The following STAB2 variants were observed in gnomAD, a reference collection of about 807,000 sequenced individuals.
The protein encoded by STAB2 is stabilin 2.
A neutral mutation model predicts 338.1 loss-of-function variants in STAB2; 288 were observed. The ratio of observed to expected loss-of-function variants is 0.85; its 90% CI spans 0.77 to 0.94. The LOEUF is 0.94. STAB2 is among the 40% of genes least tolerant of loss of function. The pLI is 0.00. For missense variants in STAB2, 3,141 were observed against 3,210.1 expected, an observed-to-expected ratio of 0.98 and a Z score of 0.52; for synonymous variants, 1,202 against 1,193.3, an observed-to-expected ratio of 1.01 and a Z score of -0.15.
chr12:103,750,213 TAG>T (rs1172348923), intron 59 of STAB2, among the ~76,000 whole-genome samples: 1 of 152,038 alleles, frequency 6.6e-6, no homozygotes, highest in Non-Finnish European at 1.5e-5. Flanking sequence ...TGTGCACAAG[TAG>T]AGAGAGGGGG....
chr12:103,752,232 A>C (rs1055737602), intron 60 of STAB2, among the ~76,000 whole-genome samples: 1 of 152,184 alleles, frequency 6.6e-6, no homozygotes, highest in Non-Finnish European at 1.5e-5. Flanking sequence ...ATTGATATAC[A>C]TCTACTCAAA....
chr12:103,631,984 C>T (rs1484778969), intron 6 of STAB2, among the ~76,000 whole-genome samples: 7 of 151,982 alleles, frequency 4.6e-5, no homozygotes, highest in Admixed American at 1.3e-4. Context: ...AGAGGGACAC[C>T]GGGACTGGGA....
At position 103,711,439 on chromosome 12, in the gene STAB2, G is replaced by T. The variant is rs1879844648; in HGVS notation, c.4289-32G>T. The T allele has an allele frequency of 1.9e-6, 3 of 1,613,740 alleles. No homozygotes were observed. In the African/African-American group the frequency reaches 4.0e-5, roughly 22 times the overall value. On this transcript the variant is annotated intron_variant, in intron 39 of 68. Transcript: ENST00000388887. ...AATCCTCAGGTGAGATTTAGTAAGA[G>T]GGCTAAGACAGCAACTGGTTCTCTT...
intron 10 of STAB2, 49 bp from the exon 11 acceptor site, chr12:103,650,447 C>T (rs1193578961): frequency 1.3e-6 from 2 of 1,547,646 alleles, no homozygotes; most frequent in Admixed American, 1.7e-5. Context: ...CCTCCTGTAC[C>T]ACTGACTCAT....
In STAB2 at chr12:103,670,676, G is replaced by A. The variant is rs1875684126; in HGVS notation, c.2260-20G>A. On this transcript the variant is annotated intron_variant, in intron 21 of 68. Coordinates refer to ENST00000388887, the MANE Select transcript of STAB2 (RefSeq NM_017564.10). ...GAACTATGTGTCCTAATGGCCCATG[G>A]GCCCTGCCTTTGCTCCCAGTGTGCA... 1 of 1,604,524 alleles carries A rather than the reference G, an allele frequency of 6.2e-7. No homozygotes were observed. Among genetic ancestry groups the A allele is most frequent in the Non-Finnish European group, 8.5e-7 (1 of 1,172,270 alleles).
intron 5 of STAB2, among the ~76,000 whole-genome samples, chr12:103,629,723 T>C (rs1237163388): frequency 6.6e-6 from 1 of 152,214 alleles, no homozygotes; most frequent in Admixed American, 6.5e-5. Context: ...ACTTTATCTT[T>C]TCCTGGCCAG....
chr12:103,685,469 T>TGTGTGTGCGTGC (rs1300245724), intron 27 of STAB2, among the ~76,000 whole-genome samples: 11 of 140,690 alleles, frequency 7.8e-5, no homozygotes, highest in Admixed American at 3.0e-4. Flanking sequence ...TGCGTGTGTG[T>TGTGTGTGCGTGC]GTGCGTGCGC....
At chr12:103,745,030 A>C in intron 56 of STAB2, 143 bp from the exon 57 acceptor site, 1 of 658,120 alleles carries the variant, frequency 1.5e-6, no homozygotes, top group Non-Finnish European at 2.5e-6. Context: ...GTTATTTTTT[A>C]GATGTTTCAA....
chr12:103,728,749 G>A lies in STAB2; in HGVS notation c.4936-100G>A, dbSNP rs76411186. 5.9e-3 allele frequency: 8,705 copies of A among 1,473,040 alleles called. 349 individuals carry two copies. In the African/African-American group the frequency reaches 0.098, roughly 17 times the overall value. The allele number at this position is 1,473,040 out of a possible 1,614,324, so 91.2% of individuals were successfully genotyped here. ...TTACTTCCCAGAGTCTGGGTGGGCCGAGAGGTGTGGAAGAGAGAATGGAGG... is the reference window on the plus strand; with the variant it reads ...TTACTTCCCAGAGTCTGGGTGGGCCAAGAGGTGTGGAAGAGAGAATGGAGG... On this transcript the variant is annotated intron_variant, in intron 47 of 68. Coordinates refer to ENST00000388887, the MANE Select transcript of STAB2 (RefSeq NM_017564.10).
intron 15 of STAB2, among the ~76,000 whole-genome samples, chr12:103,656,619 C>G (rs575977318): frequency 6.6e-5 from 10 of 152,034 alleles, no homozygotes; most frequent in African/African-American, 2.4e-4. Context: ...AGATATATAT[C>G]CCTTTTTAGA....
rs1323322673 is a variant in STAB2, at chr12:103,638,225, T to C, written c.906+13T>C. On this transcript the variant is annotated intron_variant, in intron 8 of 68. Transcript: ENST00000388887. ...TGGGCCTGGACAGGTGAGCAAATGA[T>C]GCAGGGAACTGATGTATCTAGAAGT... 4 of 1,608,784 alleles carry C rather than the reference T, an allele frequency of 2.5e-6. No homozygotes were observed. The highest frequency in any genetic ancestry group is 2.2e-5 in the South Asian group (2 of 90,138).
chr12:103,683,412 A>G (rs1396444400), intron 26 of STAB2, 112 bp downstream of exon 26: 2 of 893,146 alleles, frequency 2.2e-6, no homozygotes, highest in African/African-American at 1.7e-5. Flanking sequence ...TCTTACCCCC[A>G]AAAGGGAATC....
At chr12:103,734,251 A>G (rs1276014582) in intron 51 of STAB2, among the ~76,000 whole-genome samples, 1 of 150,374 alleles carries the variant, frequency 6.7e-6, no homozygotes, top group African/African-American at 2.5e-5. Flanking sequence ...AGGAGCAAGC[A>G]TGATCACATA....
At chr12:103,734,738 G>T (rs1056609000) in intron 51 of STAB2, among the ~76,000 whole-genome samples, 5 of 151,636 alleles carry the variant, frequency 3.3e-5, no homozygotes, top group East Asian at 1.9e-4. Context: ...CACAGAAGTG[G>T]TTTTTTTTTG....
chr12:103,718,829 C>T (rs1053509389), intron 44 of STAB2, among the ~76,000 whole-genome samples: 5 of 152,154 alleles, frequency 3.3e-5, no homozygotes, highest in South Asian at 2.1e-4. Flanking sequence ...CTAGGGTTTT[C>T]GGTTGGTTTG....
Position 103,666,270 on chromosome 12 carries a change from ACCT to A in STAB2, c.2023-17_2023-15del, listed in dbSNP as rs773372829. On this transcript the variant is annotated intron_variant, in intron 18 of 68. Transcript: ENST00000388887. ...CCCTCTCATAGGGACACCTGCACTG[ACCT>A]CCTGTCTCTCCCTCCAGGGCACTTG... The A allele has an allele frequency of 6.2e-7, 1 of 1,612,892 alleles. No individual in the cohort carries two copies. Among genetic ancestry groups the A allele is most frequent in the Non-Finnish European group, 8.5e-7 (1 of 1,179,656 alleles).
At chr12:103,740,540 C>A in intron 54 of STAB2, 90 bp from the exon 55 acceptor site, 2 of 1,516,586 alleles carry the variant, frequency 1.3e-6, no homozygotes, top group Non-Finnish European at 1.8e-6. Context: ...TTGGGCAGTA[C>A]CTAAGACCTC....
chr12:103,736,749 G>A (rs1395240129), intron 52 of STAB2, among the ~76,000 whole-genome samples: 3 of 152,072 alleles, frequency 2.0e-5, no homozygotes, highest in Non-Finnish European at 4.4e-5. Context: ...CATAGTACAT[G>A]AGTGAACACG....
chr12:103,711,398 A>C, intron 39 of STAB2, 73 bp from the exon 40 acceptor site: 1 of 1,600,054 alleles, frequency 6.2e-7, no homozygotes. Context: ...AGCTTTTCTG[A>C]GCACAAAATA....
Sources: allele counts gnomAD v4.1 joint callset (sites outside exome capture counted in the v4.1 genomes callset), GRCh38; gene constraint gnomAD v4.1.1; transcripts MANE v1.5; gene names NCBI Gene and HGNC (gene_info 2026-07-23, HGNC 2026-07-21).